Variants in ZYG11A observed in about 807,000 individuals in gnomAD.
ZYG11A encodes the protein zyg-11 family member A, cell cycle regulator.
ZYG11A carries 62 observed loss-of-function variants against 77.2 expected under a neutral mutation model. That is an observed-to-expected ratio of 0.80 (90% confidence interval 0.65 to 0.99). The LOEUF is 0.99. Ranked by LOEUF, ZYG11A falls within the 50% of genes least tolerant of loss-of-function variation. ZYG11A has a pLI of 0.00. For synonymous variants in ZYG11A, 315 were observed against 324.6 expected (o/e 0.97, Z 0.32); for missense variants, 828 against 896.8 (o/e 0.92, Z 0.98).
intron 1 of ZYG11A, among the ~76,000 whole-genome samples, chr1:52,849,216 C>T (rs983919353): frequency 4.6e-5 from 7 of 151,746 alleles, no homozygotes; most frequent in Non-Finnish European, 7.4e-5. Context: ...ATTACAGGCG[C>T]GTGCCACCAC....
At chr1:52,881,790 C>A in intron 11 of ZYG11A, 125 bp downstream of exon 11, 1 of 714,078 alleles carries the variant, frequency 1.4e-6, no homozygotes, top group Non-Finnish European at 2.2e-6. Flanking sequence ...TTATTACTAA[C>A]CCATATCTTT....
At chr1:52,843,089 G>A in intron 1 of ZYG11A, 116 bp downstream of exon 1, 3 of 879,040 alleles carry the variant, frequency 3.4e-6, no homozygotes, top group East Asian at 3.4e-5. Flanking sequence ...TGGCCCGCGC[G>A]GGGCTGCGGT....
chr1:52,886,704 T>A (rs1437954748), intron 12 of ZYG11A, among the ~76,000 whole-genome samples: 1 of 121,354 alleles, frequency 8.2e-6, no homozygotes, highest in African/African-American at 3.4e-5. Flanking sequence ...AGCTAATTTT[T>A]TTTTTTTTTT....
Position 52,892,843 on chromosome 1 carries a change from G to A in ZYG11A, c.2166G>A (p.Gln722=), listed in dbSNP as rs1414343939. 32 of 1,551,542 alleles carry A rather than the reference G, an allele frequency of 2.1e-5. No homozygotes were observed. Among genetic ancestry groups the A allele is most frequent in the Non-Finnish European group, 2.5e-5 (29 of 1,147,002 alleles). The change falls in exon 14 of 14, where the codon CAG becomes CAA. Residue 722 remains glutamine (Q), a synonymous_variant. Coordinates refer to ENST00000371528, the MANE Select transcript of ZYG11A (RefSeq NM_001004339.3). ...GATTGCAGCTTTTGTGTGATATCCAGGAGCACAGTGAGGCAACCCCCAAAG... is the reference window on the plus strand; with the variant it reads ...GATTGCAGCTTTTGTGTGATATCCAAGAGCACAGTGAGGCAACCCCCAAAG... The part of the protein sequence containing the change: ...EEGLQLLCDI[Q]EHSEATPKAQ...
At chr1:52,887,289 T>C (rs919106173) in intron 13 of ZYG11A, among the ~76,000 whole-genome samples, 2 of 152,142 alleles carry the variant, frequency 1.3e-5, no homozygotes, top group Non-Finnish European at 2.9e-5. Context: ...CTACTTGTAT[T>C]CCCCACAGAC....
chr1:52,892,986 T>G lies in ZYG11A; in HGVS notation c.*29T>G. On this transcript the variant is annotated 3_prime_UTR_variant, in exon 14 of 14. Coordinates refer to ENST00000371528, the MANE Select transcript of ZYG11A (RefSeq NM_001004339.3). ...TAAGGAATTTCAGAGGTGTGTGCTC[T>G]TCCTCAATGTCAGGTGTTCTGCCCT... 1.3e-6 allele frequency: 2 copies of G among 1,539,052 alleles called. No individual in the cohort carries two copies. Among genetic ancestry groups the G allele is most frequent in the East Asian group, 2.5e-5 (1 of 40,710 alleles).
intron 8 of ZYG11A, among the ~76,000 whole-genome samples, chr1:52,873,869 AGCTACTCGGGAGGCTGAG>A (rs1646213966): frequency 6.6e-6 from 1 of 152,036 alleles, no homozygotes; most frequent in South Asian, 2.1e-4. Context: ...CTGTAGTCCC[AGCTACTCGGGAGGCTGAG>A]GCAGGAGAAT....
At chr1:52,856,898 A>T (rs1332428465) in intron 2 of ZYG11A, 100 bp from the exon 3 acceptor site, 1 of 1,248,094 alleles carries the variant, frequency 8.0e-7, no homozygotes, top group Non-Finnish European at 1.1e-6. Flanking sequence ...TGTTGTCATT[A>T]TTGTTATTAT....
At position 52,894,301 on chromosome 1, in the gene ZYG11A, G is replaced by A. The variant is rs1490455061; in HGVS notation, c.*1344G>A. 2 of 152,172 alleles carry A rather than the reference G, an allele frequency of 1.3e-5. No homozygotes were observed. Among genetic ancestry groups the A allele is most frequent in the Non-Finnish European group, 2.9e-5 (2 of 68,036 alleles). 9.4% of individuals were successfully genotyped at this position (152,172 alleles called of 1,614,324 possible). A position where few individuals can be genotyped will look rare whatever the true frequency, so the allele number is the denominator to read the frequency against. On this transcript the variant is annotated 3_prime_UTR_variant, in exon 14 of 14. Transcript: ENST00000371528. ...TTGGGTGGAACCATGACCAAAAATG[G>A]TAGGAAGACGAAAGGCCAGAAAGAG...
At chr1:52,881,350 G>A (rs1345886082) in intron 10 of ZYG11A, 121 bp from the exon 11 acceptor site, 2 of 641,462 alleles carry the variant, frequency 3.1e-6, no homozygotes, top group East Asian at 2.8e-5. Context: ...AGGCGGAGGC[G>A]GGTATAAGAA....
chr1:52,858,722 C>T (rs937149630), intron 3 of ZYG11A, among the ~76,000 whole-genome samples: 1 of 151,946 alleles, frequency 6.6e-6, no homozygotes, highest in Admixed American at 6.6e-5. Flanking sequence ...AAGCGATTCT[C>T]CTGCCTCAGC....
intron 1 of ZYG11A, among the ~76,000 whole-genome samples, chr1:52,846,148 C>G (rs546707977): frequency 2.3e-4 from 35 of 151,332 alleles, no homozygotes; most frequent in African/African-American, 7.3e-4. Context: ...TTAATAGTCA[C>G]TCAAAGGTAG....
chr1:52,889,325 C>T (rs937412615), intron 13 of ZYG11A, among the ~76,000 whole-genome samples: 1 of 151,776 alleles, frequency 6.6e-6, no homozygotes, highest in African/African-American at 2.4e-5. Flanking sequence ...GCAACCCTTA[C>T]AGTATTTTTA....
At position 52,881,635 on chromosome 1, in the gene ZYG11A, C is replaced by T. The variant is rs1453991119; in HGVS notation, c.1914C>T (p.Asp638=). 3.9e-6 allele frequency: 6 copies of T among 1,552,264 alleles called. No homozygotes were observed. The highest frequency in any genetic ancestry group is 4.4e-6 in the Non-Finnish European group (5 of 1,147,092). Residue 638 remains aspartate (D), a synonymous_variant, in exon 11 of 14, where the codon GAC becomes GAT. Coordinates refer to ENST00000371528, the MANE Select transcript of ZYG11A (RefSeq NM_001004339.3). ...ACAGACAGCTTTGGATATCCCGTGA[C>T]TTCCAGAGGCGTACTCTTCTCCAAG... ...TSDRQLWISR[D]FQRRTLLQDL...
chr1:52,889,604 A>G (rs182446027), intron 13 of ZYG11A, among the ~76,000 whole-genome samples: 30 of 152,070 alleles, frequency 2.0e-4, no homozygotes, highest in African/African-American at 5.8e-4. Context: ...TTTCTATCCA[A>G]GAACATGACT....
intron 12 of ZYG11A, 88 bp from the exon 13 acceptor site, chr1:52,886,868 A>C: frequency 2.2e-6 from 1 of 451,786 alleles, no homozygotes; most frequent in Non-Finnish European, 3.8e-6. Flanking sequence ...ATACATTATT[A>C]TATTAATTAT....
intron 6 of ZYG11A, 30 bp from the exon 7 acceptor site, chr1:52,867,509 A>C (rs1373926467): frequency 1.4e-6 from 2 of 1,421,208 alleles, no homozygotes; most frequent in East Asian, 2.5e-5. Flanking sequence ...TTTATATATA[A>C]TTGTGAGAAA....
intron 10 of ZYG11A, among the ~76,000 whole-genome samples, chr1:52,878,663 G>A (rs1646304456): frequency 6.6e-6 from 1 of 152,060 alleles, no homozygotes; most frequent in Non-Finnish European, 1.5e-5. Flanking sequence ...ACTCGGCCAG[G>A]CACGGTGGTT....
chr1:52,877,896 T>C (rs1646290057), intron 9 of ZYG11A, 29 bp from the exon 10 acceptor site: 1 of 1,551,166 alleles, frequency 6.4e-7, no homozygotes, highest in Non-Finnish European at 8.7e-7. Context: ...CATGATAAAG[T>C]AACCTGTATG....
Sources: gnomAD v4.1 joint callset for allele counts (sites outside exome capture counted in the v4.1 genomes callset) on GRCh38, gnomAD v4.1.1 for gene constraint, MANE v1.5 for transcripts, NCBI Gene and HGNC (gene_info 2026-07-23, HGNC 2026-07-21) for gene names.